Variants in IRF2 observed in about 807,000 individuals in gnomAD.
The protein encoded by IRF2 is interferon regulatory factor 2.
Under a neutral mutation model 40.6 loss-of-function variants are expected in IRF2, and 15 were observed. That is an observed-to-expected ratio of 0.37 (90% CI 0.25 to 0.57). The LOEUF is 0.57. IRF2 is among the 20% of genes least tolerant of loss of function. The pLI is 0.77. For missense variants in IRF2, 317 were observed against 455.7 expected (o/e 0.70, Z 2.77); for synonymous variants, 151 against 165.5 (o/e 0.91, Z 0.67).
At chr4:184,426,694 C>G (rs1324380845) in intron 2 of IRF2, among the ~76,000 whole-genome samples, 1 of 152,196 alleles carries the variant, frequency 6.6e-6, no homozygotes, top group South Asian at 2.1e-4. Context: ...ACATATCAGG[C>G]ACCTGCTCAA....
At chr4:184,392,096 T>A (rs1419046184) in intron 7 of IRF2, among the ~76,000 whole-genome samples, 1 of 152,190 alleles carries the variant, frequency 6.6e-6, no homozygotes, top group East Asian at 1.9e-4. Flanking sequence ...TTTGATTTTG[T>A]AAAATAAAAT....
intron 1 of IRF2, among the ~76,000 whole-genome samples, chr4:184,455,941 A>G (rs1738908648): frequency 6.6e-6 from 1 of 152,204 alleles, no homozygotes. Flanking sequence ...TGATGAAGAC[A>G]TGATCTCTGG....
At chr4:184,450,521 T>C (rs901227095) in intron 1 of IRF2, among the ~76,000 whole-genome samples, 1 of 152,224 alleles carries the variant, frequency 6.6e-6, no homozygotes, top group Admixed American at 6.5e-5. Flanking sequence ...TATTAGAAAG[T>C]GGAAAAATAC....
chr4:184,457,304 G>A (rs1738977486), intron 1 of IRF2, among the ~76,000 whole-genome samples: 2 of 152,204 alleles, frequency 1.3e-5, no homozygotes, highest in African/African-American at 2.4e-5. Flanking sequence ...CAGTTCCTGA[G>A]TCCCACTGGC....
chr4:184,427,095 C>A (rs1737700893), intron 2 of IRF2, among the ~76,000 whole-genome samples: 1 of 152,222 alleles, frequency 6.6e-6, no homozygotes, highest in African/African-American at 2.4e-5. Context: ...CTGGTCCCCC[C>A]TTCCTTATAC....
chr4:184,416,328 C>CAAAAAAAAAAA lies in IRF2; in HGVS notation c.411+1828_411+1838dup, dbSNP rs35274774. ...GTAAGACCTTGTCTCAAAAAAAAAA[C>CAAAAAAAAAAA]AAAAAAAAAAAAAAACGAAAAAAAA... On this transcript the variant is annotated intron_variant, in intron 5 of 8. Coordinates refer to ENST00000393593, the MANE Select transcript of IRF2 (RefSeq NM_002199.4). Among the ~76,000 whole-genome samples the CAAAAAAAAAAA allele has an allele frequency of 1.1e-3, 112 of 100,134 alleles. 1 individual carries two copies. The highest frequency in any genetic ancestry group is 6.2e-3 in the Middle Eastern group (1 of 162). 65.7% of individuals were successfully genotyped at this position (100,134 alleles called of 152,430 possible). A position where few individuals can be genotyped will look rare whatever the true frequency, so the allele number is the denominator to read the frequency against.
In IRF2 at chr4:184,418,702, T is replaced by A; in HGVS notation, c.194A>T (p.His65Leu). The A allele has an allele frequency of 6.2e-7, 1 of 1,612,992 alleles. No homozygotes were observed. Among genetic ancestry groups the A allele is most frequent in the Admixed American group, 1.7e-5 (1 of 59,952 alleles). The change falls in exon 4 of 9, where the codon CAT (histidine) becomes CTT (leucine). Residue 65 changes from histidine to leucine, a missense_variant. Physicochemically the swap from His to Leu is moderately conservative, Grantham distance 99 (BLOSUM62 -3). Coordinates refer to ENST00000393593, the MANE Select transcript of IRF2 (RefSeq NM_002199.4). ...FRNWAIHTGK[H>L]QPGVDKPDPK... Reference sequence around the variant, plus strand: ...ATCAGGTTTATCTACTCCTGGTTGATGCTTTCCTAACAAAAGAGACAAAGA... The same window carrying A: ...ATCAGGTTTATCTACTCCTGGTTGAAGCTTTCCTAACAAAAGAGACAAAGA...
At chr4:184,457,170 A>T (rs961665870) in intron 1 of IRF2, among the ~76,000 whole-genome samples, 4 of 152,254 alleles carry the variant, frequency 2.6e-5, no homozygotes, top group African/African-American at 9.6e-5. Flanking sequence ...ATGGGAATTA[A>T]GGAGGCAGGT....
chr4:184,396,602 C>CT (rs1736474447), intron 7 of IRF2, among the ~76,000 whole-genome samples: 1 of 151,458 alleles, frequency 6.6e-6, no homozygotes, highest in Non-Finnish European at 1.5e-5. Flanking sequence ...ACCCGGTTAA[C>CT]TTTTTTTATT....
chr4:184,396,029 C>A (rs1326476269), intron 7 of IRF2, among the ~76,000 whole-genome samples: 4 of 152,154 alleles, frequency 2.6e-5, no homozygotes, highest in African/African-American at 7.2e-5. Flanking sequence ...AAAGCTCCAA[C>A]CCCCTAAAAA....
intron 1 of IRF2, among the ~76,000 whole-genome samples, chr4:184,457,886 C>T (rs1334212062): frequency 6.6e-6 from 1 of 151,960 alleles, no homozygotes; most frequent in African/African-American, 2.4e-5. Flanking sequence ...ATCCTCGGAA[C>T]AAAACCCTTC....
intron 1 of IRF2, among the ~76,000 whole-genome samples, chr4:184,473,784 G>C (rs1453900709): frequency 1.3e-5 from 2 of 151,664 alleles, no homozygotes; most frequent in East Asian, 3.9e-4. Context: ...CTCCCGGCCG[G>C]GGAGCGGTGC....
chr4:184,437,834 A>C (rs1274636836), intron 1 of IRF2, among the ~76,000 whole-genome samples: 1 of 51,754 alleles, frequency 1.9e-5, no homozygotes, highest in African/African-American at 7.9e-5. Flanking sequence ...GAACGTACAA[A>C]AAAAAAAAAA....
chr4:184,422,025 G>A lies in IRF2; in HGVS notation c.88-2457C>T, dbSNP rs1020897418. Among the ~76,000 whole-genome samples, 6 of 152,116 alleles carry A rather than the reference G, an allele frequency of 3.9e-5. No individual in the cohort carries two copies. In the East Asian group the frequency reaches 5.8e-4, roughly 15 times the overall value. On this transcript the variant is annotated intron_variant, in intron 2 of 8. Coordinates refer to ENST00000393593, the MANE Select transcript of IRF2 (RefSeq NM_002199.4). ...AGTAAGCTCTCACTCCATTAGCTCC[G>A]GTGAGAGCTGATTATTCAAAACAGC...
chr4:184,445,009 T>C (rs1299878924), intron 1 of IRF2, among the ~76,000 whole-genome samples: 1 of 152,206 alleles, frequency 6.6e-6, no homozygotes, highest in African/African-American at 2.4e-5. Flanking sequence ...GGCCCTGCCG[T>C]ACCATGGTGG....
Position 184,393,072 on chromosome 4 carries a change from C to G in IRF2, c.695-2323G>C, listed in dbSNP as rs531740913. Among the ~76,000 whole-genome samples, 21 of 152,312 alleles carry G rather than the reference C, an allele frequency of 1.4e-4. No homozygotes were observed. The South Asian group carries it at 3.1e-3, about 23-fold the overall frequency. On this transcript the variant is annotated intron_variant, in intron 7 of 8. Coordinates refer to ENST00000393593, the MANE Select transcript of IRF2 (RefSeq NM_002199.4). ...AAGAAAATTCCCCTCCTCAGAGAAC[C>G]CTCGTGCTGGCTCAGTATCCTGAGG...
chr4:184,398,930 C>G lies in IRF2; in HGVS notation c.679G>C (p.Val227Leu), dbSNP rs753118859. The change falls in exon 7 of 9, where the codon GTG (valine) becomes CTG (leucine). Residue 227 changes from valine (V) to leucine (L), a missense_variant. Transcript: ENST00000393593. ...TGACGCTTACCTGCATAGGAAGACA[C>G]GGGGGAGATCTGCAGAGGGTAGAGC... The part of the protein sequence containing the change: ...SELYPLQISP[V>L]SSYAESETTD... 4 of 1,607,242 alleles carry G rather than the reference C, an allele frequency of 2.5e-6. No individual in the cohort carries two copies. The highest frequency in any genetic ancestry group is 1.1e-5 in the South Asian group (1 of 90,348).
At position 184,388,544 on chromosome 4, in the gene IRF2, C is replaced by CCCTGGG; in HGVS notation, c.*213_*214insCCCAGG. 1 of 547,968 alleles carries CCCTGGG rather than the reference C, an allele frequency of 1.8e-6. No individual in the cohort carries two copies. Among genetic ancestry groups the CCCTGGG allele is most frequent in the East Asian group, 3.3e-5 (1 of 30,248 alleles). 33.9% of individuals were successfully genotyped at this position (547,968 alleles called of 1,614,324 possible). ...GAGTGAGTAGCCCTGGGAGATCCAG[C>CCCTGGG]AGGCTCTAGAAACACACGTCTACCA... On this transcript the variant is annotated 3_prime_UTR_variant, in exon 9 of 9. Coordinates refer to ENST00000393593, the MANE Select transcript of IRF2 (RefSeq NM_002199.4). This position sits in a 1 kb window ranked among gnomAD's most constrained non-coding sequence, Gnocchi z 4.6.
chr4:184,389,031 G>A lies in IRF2; in HGVS notation c.777C>T (p.Gly259=), dbSNP rs1579781808. ...RPHWRKRNIE[G]KQYLSNMGTR... ...TCCCCATGTTGCTGAGGTACTGTTT[G>A]CCTTCAATATTCCTCTTCCGCCAGT... Residue 259 remains glycine, a synonymous_variant, in exon 9 of 9, where the codon GGC becomes GGT. Coordinates refer to ENST00000393593, the MANE Select transcript of IRF2 (RefSeq NM_002199.4). 6.2e-7 allele frequency: 1 copy of A among 1,614,182 alleles called. No homozygotes were observed. The highest frequency in any genetic ancestry group is 1.6e-4 in the Middle Eastern group (1 of 6,062).
Sources: allele counts gnomAD v4.1 joint callset (sites outside exome capture counted in the v4.1 genomes callset), GRCh38; gene constraint gnomAD v4.1.1; non-coding constraint Gnocchi (gnomAD v3.1); transcripts MANE v1.5; gene names NCBI Gene and HGNC (gene_info 2026-07-23, HGNC 2026-07-21).